Variants in ABHD3 observed in about 807,000 individuals in gnomAD.
ABHD3 encodes the protein abhydrolase domain containing 3, phospholipase, also known as phospholipase ABHD3.
In ABHD3, 46 loss-of-function variants were observed where a neutral mutation model predicts 48.8. The observed-to-expected ratio is 0.94, with a 90% confidence interval of 0.74 to 1.20. ABHD3 has a LOEUF of 1.20. ABHD3 is among the 50% of genes most tolerant of loss of function. ABHD3 has a pLI of 0.00. For missense variants in ABHD3, 490 were observed against 497.8 expected (o/e 0.98, Z 0.15); for synonymous variants, 192 against 183.7 (o/e 1.04, Z -0.36).
At chr18:21,680,974 C>T (rs1201646727) in intron 4 of ABHD3, among the ~76,000 whole-genome samples, 4 of 151,942 alleles carry the variant, frequency 2.6e-5, no homozygotes, top group Admixed American at 2.6e-4. Flanking sequence ...GTGATCCTCC[C>T]ACCTGGGCCT....
chr18:21,704,054 G>A (rs1168117557), intron 1 of ABHD3, among the ~76,000 whole-genome samples: 1 of 152,330 alleles, frequency 6.6e-6, no homozygotes, highest in Non-Finnish European at 1.5e-5. Context: ...ACCACGCCCG[G>A]CTAATTTTTT....
intron 3 of ABHD3, chr18:21,701,776 C>G (rs2040518666): frequency 6.6e-6 from 1 of 152,184 alleles, no homozygotes; most frequent in Admixed American, 6.5e-5. Flanking sequence ...CTCAGAAAAG[C>G]TGTGGCATCA....
chr18:21,699,292 T>C (rs2146337880), intron 3 of ABHD3, among the ~76,000 whole-genome samples: 1 of 152,290 alleles, frequency 6.6e-6, no homozygotes, highest in Non-Finnish European at 1.5e-5. Flanking sequence ...CTGGCCAGGG[T>C]CCCTTAGAAA....
chr18:21,652,171 A>G (rs1818031582), intron 8 of ABHD3, among the ~76,000 whole-genome samples: 1 of 152,170 alleles, frequency 6.6e-6, no homozygotes. Context: ...TGAGAGTTAG[A>G]AATTCATTAG....
At chr18:21,661,593 T>A (rs1427636234) in intron 5 of ABHD3, among the ~76,000 whole-genome samples, 1 of 151,822 alleles carries the variant, frequency 6.6e-6, no homozygotes, top group African/African-American at 2.4e-5. Context: ...ATCGCACCAC[T>A]GCACTCCAGT....
chr18:21,675,753 T>C (rs1411541935), intron 4 of ABHD3, among the ~76,000 whole-genome samples: 1 of 152,136 alleles, frequency 6.6e-6, no homozygotes, highest in African/African-American at 2.4e-5. Context: ...AGAACTGAAA[T>C]TGGTTTATGT....
At chr18:21,651,906 GAGCATA>G in intron 8 of ABHD3, 143 bp from the exon 9 acceptor site, 1 of 715,020 alleles carries the variant, frequency 1.4e-6, no homozygotes, top group Non-Finnish European at 2.2e-6. Flanking sequence ...TATATGTAAT[GAGCATA>G]GTTAAATGGA....
Position 21,703,583 on chromosome 18 carries a change from C to A in ABHD3, c.326+1G>T, listed in dbSNP as rs779571844. On this transcript the variant is annotated splice_donor_variant, in intron 2 of 8. Transcript: ENST00000289119. LOFTEE classifies it high-confidence loss of function. ...ATGACTGAAAACGGAAATTCACTTA[C>A]TTCCTGTACTGCACCGGGGGCTTCG... 6.2e-7 allele frequency: 1 copy of A among 1,606,304 alleles called. No homozygotes were observed. The highest frequency in any genetic ancestry group is 8.5e-7 in the Non-Finnish European group (1 of 1,173,646).
chr18:21,700,323 C>G (rs1228233665), intron 3 of ABHD3, among the ~76,000 whole-genome samples: 1 of 152,036 alleles, frequency 6.6e-6, no homozygotes, highest in Non-Finnish European at 1.5e-5. Flanking sequence ...AACTCCTGAC[C>G]TTGTGATCTG....
At chr18:21,697,888 G>C (rs1048188416) in intron 3 of ABHD3, among the ~76,000 whole-genome samples, 33 of 152,036 alleles carry the variant, frequency 2.2e-4, no homozygotes, top group African/African-American at 7.7e-4. Context: ...CCATACGCTG[G>C]GAGTTAGGTT....
At chr18:21,703,547 A>T in intron 2 of ABHD3, 37 bp downstream of exon 2, 1 of 1,589,564 alleles carries the variant, frequency 6.3e-7, no homozygotes, top group Non-Finnish European at 8.6e-7. Context: ...ACAACCTGTG[A>T]TTTTGCAGAA....
intron 4 of ABHD3, among the ~76,000 whole-genome samples, chr18:21,679,480 T>G (rs1354134484): frequency 6.6e-6 from 1 of 152,246 alleles, no homozygotes; most frequent in Non-Finnish European, 1.5e-5. Flanking sequence ...AACGAGTTAA[T>G]ACAGTAGTAG....
intron 3 of ABHD3, among the ~76,000 whole-genome samples, chr18:21,692,188 G>A (rs978231535): frequency 3.9e-5 from 6 of 152,168 alleles, no homozygotes; most frequent in Non-Finnish European, 8.8e-5. Flanking sequence ...GACCTCAGGT[G>A]ATCCACCTGC....
chr18:21,684,602 C>G (rs570862532), intron 3 of ABHD3, among the ~76,000 whole-genome samples: 3 of 152,106 alleles, frequency 2.0e-5, no homozygotes, highest in Admixed American at 6.5e-5. Flanking sequence ...GGATTACAGG[C>G]GTGAGCCACT....
intron 5 of ABHD3, chr18:21,662,356 C>T (rs924599869): frequency 4.6e-5 from 7 of 152,286 alleles, no homozygotes; most frequent in African/African-American, 1.7e-4. Flanking sequence ...GTCTGCCTGC[C>T]TCAGCCTCTC....
chr18:21,656,267 T>G (rs571385000), intron 8 of ABHD3, among the ~76,000 whole-genome samples: 1 of 152,076 alleles, frequency 6.6e-6, no homozygotes, highest in Non-Finnish European at 1.5e-5. Context: ...CTCAAACTTC[T>G]GGGCTCAAGT....
chr18:21,659,470 T>A, intron 5 of ABHD3, 127 bp from the exon 6 acceptor site: 1 of 876,392 alleles, frequency 1.1e-6, no homozygotes, highest in Non-Finnish European at 1.7e-6. Context: ...AAGTCCTCTA[T>A]CCTGGAAAAG....
At chr18:21,704,436 C>T (rs2040590398) in intron 1 of ABHD3, 68 bp downstream of exon 1, 3 of 1,259,660 alleles carry the variant, frequency 2.4e-6, no homozygotes, top group Non-Finnish European at 3.0e-6. Flanking sequence ...GCCGCGCAGC[C>T]TCGCGCCGCG....
In ABHD3 at chr18:21,654,945, C is replaced by T. The variant is rs896555104; in HGVS notation, c.1057+1916G>A. 11 of 152,232 alleles carry T rather than the reference C, an allele frequency of 7.2e-5. No homozygotes were observed. The South Asian group carries it at 1.7e-3, about 23-fold the overall frequency. The allele number at this position is 152,232 out of a possible 1,614,324, so 9.4% of individuals were successfully genotyped here. A position where few individuals can be genotyped will look rare whatever the true frequency, so the allele number is the denominator to read the frequency against. ...TAAAAAGGGCAGTGAAATATAAAAA[C>T]GGGTAGAGAAATACTGGACTTCCTT... On this transcript the variant is annotated intron_variant, in intron 8 of 8. Coordinates refer to ENST00000289119, the MANE Select transcript of ABHD3 (RefSeq NM_138340.5).
Sources: gnomAD v4.1 joint callset for allele counts (sites outside exome capture counted in the v4.1 genomes callset) on GRCh38, gnomAD v4.1.1 for gene constraint, MANE v1.5 for transcripts, NCBI Gene and HGNC (gene_info 2026-07-23, HGNC 2026-07-21) for gene names.